The following CDH4 variants were observed in gnomAD, a reference collection of about 807,000 sequenced individuals.
CDH4 encodes the protein cadherin 4.
Under a neutral mutation model 86.0 loss-of-function variants are expected in CDH4, and 33 were observed. The observed-to-expected ratio is 0.38, with a 90% CI of 0.29 to 0.51. CDH4 has a LOEUF of 0.51. Ranked by LOEUF, CDH4 falls within the 20% of genes least tolerant of loss-of-function variation. The probability of loss-of-function intolerance (pLI) is 0.86; values close to 1 mark genes in which losing one functional copy is unlikely to be tolerated. For missense variants in CDH4, 1,114 were observed against 1,307.4 expected (o/e 0.85, Z 2.28); for synonymous variants, 555 against 549.4 (o/e 1.01, Z -0.14).
chr20:61,751,565 G>A lies in CDH4; in HGVS notation c.396+7776G>A, dbSNP rs577139029. ...TCAAATGCCCAGGGTGCAGACGCTT[G>A]ATTTTTTATTATAAGAGCAGTGCTG... On this transcript the variant is annotated intron_variant, in intron 3 of 15. Transcript: ENST00000614565. Among the ~76,000 whole-genome samples, 3 of 151,996 alleles carry A rather than the reference G, an allele frequency of 2.0e-5. No individual in the cohort carries two copies. In the East Asian group the frequency reaches 5.8e-4, roughly 29 times the overall value.
intron 9 of CDH4, among the ~76,000 whole-genome samples, chr20:61,917,970 A>G (rs527845142): frequency 5.3e-5 from 8 of 152,352 alleles, no homozygotes; most frequent in African/African-American, 1.9e-4. Flanking sequence ...GCCAATAAAT[A>G]TGGGAGAAAG....
At chr20:61,602,989 G>A (rs559151396) in intron 2 of CDH4, among the ~76,000 whole-genome samples, 34 of 152,370 alleles carry the variant, frequency 2.2e-4, no homozygotes, top group Non-Finnish European at 3.8e-4. Flanking sequence ...ATCTGCAGGC[G>A]TCTTAGAGAA....
At chr20:61,288,260 G>T (rs1427613903) in intron 2 of CDH4, among the ~76,000 whole-genome samples, 1 of 152,118 alleles carries the variant, frequency 6.6e-6, no homozygotes, top group African/African-American at 2.4e-5. Context: ...ACGAAAATGA[G>T]GATTTCTCAA....
At chr20:61,759,036 C>T (rs756858459) in intron 3 of CDH4, among the ~76,000 whole-genome samples, 3 of 152,240 alleles carry the variant, frequency 2.0e-5, no homozygotes, top group Non-Finnish European at 2.9e-5. Flanking sequence ...CACATGTGTG[C>T]GTTCGCACAT....
In CDH4 at chr20:61,650,122, G is replaced by A. The variant is rs367694354; in HGVS notation, c.170-93441G>A. On this transcript the variant is annotated intron_variant, in intron 2 of 15. Transcript: ENST00000614565. ...CTTCCAGTGTATTCTCCTCCATGCC[G>A]CTGCCCGGCCCATCAATATTCTTAT... Among the ~76,000 whole-genome samples, 44 of 152,290 alleles carry A rather than the reference G, an allele frequency of 2.9e-4. No homozygotes were observed. The South Asian group carries it at 4.8e-3, about 17-fold the overall frequency.
chr20:61,376,725 A>G (rs548576720), intron 2 of CDH4, among the ~76,000 whole-genome samples: 138 of 152,284 alleles, frequency 9.1e-4, no homozygotes, highest in Non-Finnish European at 1.6e-3. Flanking sequence ...CATCTGTCTC[A>G]GCACAGACCC....
chr20:61,675,217 C>G (rs887015021), intron 2 of CDH4, among the ~76,000 whole-genome samples: 2 of 152,214 alleles, frequency 1.3e-5, no homozygotes, highest in Admixed American at 1.3e-4. Context: ...CGGTGTTGTG[C>G]CCACCTCTGC....
At chr20:61,559,267 A>G (rs1485239257) in intron 2 of CDH4, among the ~76,000 whole-genome samples, 1 of 152,144 alleles carries the variant, frequency 6.6e-6, no homozygotes, top group Non-Finnish European at 1.5e-5. Context: ...GCAGTAAGCC[A>G]AGATTGTGCC....
intron 2 of CDH4, among the ~76,000 whole-genome samples, chr20:61,528,425 GAGGAGGGGAA>G (rs2085927043): frequency 8.6e-6 from 1 of 116,162 alleles, no homozygotes; most frequent in Non-Finnish European, 1.8e-5. Flanking sequence ...TGGAGGGGGA[GAGGAGGGGAA>G]GGGAGGGGAG....
intron 2 of CDH4, among the ~76,000 whole-genome samples, chr20:61,567,209 C>T (rs947071855): frequency 2.0e-5 from 3 of 152,200 alleles, no homozygotes; most frequent in East Asian, 1.9e-4. Context: ...CACCTGTCTC[C>T]GAGCCCCCCA....
intron 2 of CDH4, among the ~76,000 whole-genome samples, chr20:61,320,077 T>G (rs1017130597): frequency 6.6e-6 from 1 of 152,188 alleles, no homozygotes; most frequent in Admixed American, 6.5e-5. Flanking sequence ...CTTCCCACAA[T>G]AATTTTTGCA....
intron 2 of CDH4, chr20:61,499,504 T>C (rs182655628): frequency 0.013 from 17,144 of 1,288,856 alleles, 136 homozygotes; most frequent in Non-Finnish European, 0.016. Flanking sequence ...CAAGTGTGAG[T>C]GTGCTAGGGG....
intron 2 of CDH4, among the ~76,000 whole-genome samples, chr20:61,644,261 C>T (rs1263787376): frequency 6.6e-6 from 1 of 152,220 alleles, no homozygotes; most frequent in Non-Finnish European, 1.5e-5. Context: ...GAGTGAAGTT[C>T]TTTCAAAAAG....
At chr20:61,313,940 G>A (rs1454491981) in intron 2 of CDH4, among the ~76,000 whole-genome samples, 2 of 152,094 alleles carry the variant, frequency 1.3e-5, no homozygotes, top group African/African-American at 2.4e-5. Context: ...CCATCATGTT[G>A]CCCAGGCTGC....
intron 2 of CDH4, among the ~76,000 whole-genome samples, chr20:61,299,112 ACAGT>A (rs1409550582): frequency 5.3e-5 from 8 of 152,212 alleles, no homozygotes; most frequent in African/African-American, 9.6e-5. Flanking sequence ...AAGTTAAGAG[ACAGT>A]CAGAGTGGAT....
At chr20:61,293,455 G>A (rs1216185786) in intron 2 of CDH4, among the ~76,000 whole-genome samples, 4 of 152,102 alleles carry the variant, frequency 2.6e-5, no homozygotes, top group Admixed American at 6.5e-5. Context: ...GCAGGCGTGC[G>A]GGGACTTCTG....
rs1242795754 is a variant in CDH4, at chr20:61,529,428, A to G, written c.170-214135A>G. On this transcript the variant is annotated intron_variant, in intron 2 of 15. Coordinates refer to ENST00000614565, the MANE Select transcript of CDH4 (RefSeq NM_001794.5). Reference sequence around the variant, plus strand: ...AATCTGGACCAAAGATGAATTTCTCACTGGAGGCGCTTCACAAGTACTTTA... The same window carrying G: ...AATCTGGACCAAAGATGAATTTCTCGCTGGAGGCGCTTCACAAGTACTTTA... 2.0e-5 allele frequency among the ~76,000 whole-genome samples: 3 copies of G among 152,240 alleles called. 1 individual carries two copies. The highest frequency in any genetic ancestry group is 7.2e-5 in the African/African-American group (3 of 41,464).
At chr20:61,488,002 A>G (rs1308301800) in intron 2 of CDH4, among the ~76,000 whole-genome samples, 1 of 152,232 alleles carries the variant, frequency 6.6e-6, no homozygotes, top group Non-Finnish European at 1.5e-5. Flanking sequence ...CCCAGAGGCA[A>G]ATGGAGGCAG....
At chr20:61,254,674 G>A in intron 1 of CDH4, 152 bp from the exon 2 acceptor site, 2 of 644,358 alleles carry the variant, frequency 3.1e-6, no homozygotes, top group South Asian at 3.6e-5. Context: ...GAGCAGAGGA[G>A]CAGACGGGGT....
Sources: gnomAD v4.1 joint callset for allele counts (sites outside exome capture counted in the v4.1 genomes callset) on GRCh38, gnomAD v4.1.1 for gene constraint, MANE v1.5 for transcripts, NCBI Gene and HGNC (gene_info 2026-07-23, HGNC 2026-07-21) for gene names.